Variants in CNGB3 observed in about 807,000 individuals in gnomAD.
CNGB3 encodes the protein cyclic nucleotide-gated channel beta-3.
Under a neutral mutation model 92.8 loss-of-function variants are expected in CNGB3, and 86 were observed. The ratio of observed to expected loss-of-function variants is 0.93; its 90% CI spans 0.78 to 1.11. The LOEUF is 1.11. Among genes scored for constraint, CNGB3 ranks in the 50% least tolerant of loss-of-function variants. The pLI, the probability that CNGB3 is intolerant of heterozygous loss-of-function variation, is 0.00. For missense variants in CNGB3, 1,026 were observed against 956.8 expected, an observed-to-expected ratio of 1.07 and a Z score of -0.95; for synonymous variants, 333 against 332.7, an observed-to-expected ratio of 1.00 and a Z score of -0.01.
chr8:86,732,165 C>T (rs1182471691), intron 2 of CNGB3, among the ~76,000 whole-genome samples: 1 of 152,180 alleles, frequency 6.6e-6, no homozygotes, highest in Non-Finnish European at 1.5e-5. Flanking sequence ...TTTTATCGGT[C>T]AGAATCTGTT....
In CNGB3 at chr8:86,668,175, A is replaced by T; in HGVS notation, c.494-7T>A. 1 of 1,602,124 alleles carries T rather than the reference A, an allele frequency of 6.2e-7. No individual in the cohort carries two copies. Among genetic ancestry groups the T allele is most frequent in the Non-Finnish European group, 8.5e-7 (1 of 1,174,336 alleles). On this transcript the variant is annotated splice_polypyrimidine_tract_variant and splice_region_variant and intron_variant, in intron 4 of 17. Transcript: ENST00000320005. ...GGTACAGCCGTGGGCTTTGCTTCATAGGGAAAAAAAAAAAGATGAAACATT... is the reference window on the plus strand; with the variant it reads ...GGTACAGCCGTGGGCTTTGCTTCATTGGGAAAAAAAAAAAGATGAAACATT...
chr8:86,608,087 C>G (rs947943626), intron 14 of CNGB3, among the ~76,000 whole-genome samples: 2 of 152,068 alleles, frequency 1.3e-5, no homozygotes, highest in Non-Finnish European at 2.9e-5. Flanking sequence ...CAAGCTGTTC[C>G]AGTATAATAA....
chr8:86,590,349 A>C (rs1455601787), intron 15 of CNGB3, among the ~76,000 whole-genome samples: 1 of 151,976 alleles, frequency 6.6e-6, no homozygotes, highest in Non-Finnish European at 1.5e-5. Context: ...ATTTAAAGTT[A>C]ATAGTGTTAT....
intron 14 of CNGB3, among the ~76,000 whole-genome samples, chr8:86,611,094 A>T (rs566907817): frequency 3.9e-5 from 6 of 152,278 alleles, no homozygotes; most frequent in Non-Finnish European, 7.4e-5. Flanking sequence ...GGTGGTATTT[A>T]TGTCCTTATG....
In CNGB3 at chr8:86,666,430, T is replaced by C. The variant is rs564239177; in HGVS notation, c.852+495A>G. On this transcript the variant is annotated intron_variant, in intron 6 of 17. Coordinates refer to ENST00000320005, the MANE Select transcript of CNGB3 (RefSeq NM_019098.5). ...GCAAGGCCTGGGTTAGGATCCTGGC[T>C]CAGCTACTATCCAGCTTTGGGCTTT... 7.9e-5 allele frequency among the ~76,000 whole-genome samples: 12 copies of C among 152,350 alleles called. No individual in the cohort carries two copies. In the East Asian group the frequency reaches 2.3e-3, roughly 29 times the overall value.
intron 15 of CNGB3, among the ~76,000 whole-genome samples, chr8:86,581,602 C>T (rs928022650): frequency 6.6e-6 from 1 of 152,098 alleles, no homozygotes; most frequent in Non-Finnish European, 1.5e-5. Flanking sequence ...CAATGCAGCC[C>T]CTTTAAGACT....
intron 7 of CNGB3, among the ~76,000 whole-genome samples, chr8:86,649,289 C>A (rs1174988942): frequency 6.6e-6 from 1 of 151,312 alleles, no homozygotes; most frequent in Non-Finnish European, 1.5e-5. Flanking sequence ...AAAATACCAA[C>A]TTTTTTTTCA....
At chr8:86,708,233 C>T (rs190055631) in intron 3 of CNGB3, among the ~76,000 whole-genome samples, 1 of 152,162 alleles carries the variant, frequency 6.6e-6, no homozygotes, top group Non-Finnish European at 1.5e-5. Context: ...GTGCTTGTGC[C>T]CTTTCAAGTT....
chr8:86,731,090 A>G (rs1458134), intron 2 of CNGB3, among the ~76,000 whole-genome samples: 98,277 of 152,098 alleles, frequency 0.65, 33,034 homozygotes, highest in African/African-American at 0.83. Context: ...TAGAAATGCT[A>G]TTACATAGAA....
intron 15 of CNGB3, among the ~76,000 whole-genome samples, chr8:86,599,730 G>A (rs906741327): frequency 1.3e-5 from 2 of 152,096 alleles, no homozygotes; most frequent in African/African-American, 4.8e-5. Flanking sequence ...ATAAATTTTG[G>A]TCAGACCGGT....
At chr8:86,713,246 G>T (rs1475380738) in intron 3 of CNGB3, among the ~76,000 whole-genome samples, 1 of 152,122 alleles carries the variant, frequency 6.6e-6, no homozygotes, top group East Asian at 1.9e-4. Context: ...TTTAAAATTT[G>T]CTGAGACCTA....
At chr8:86,596,215 C>T (rs963551568) in intron 15 of CNGB3, among the ~76,000 whole-genome samples, 2 of 152,070 alleles carry the variant, frequency 1.3e-5, no homozygotes, top group African/African-American at 4.8e-5. Flanking sequence ...TATTAAAATG[C>T]AATGGCAATG....
At chr8:86,637,931 G>A (rs950540065) in intron 10 of CNGB3, among the ~76,000 whole-genome samples, 8 of 152,018 alleles carry the variant, frequency 5.3e-5, no homozygotes, top group Admixed American at 6.5e-5. Context: ...TTTTTCTACC[G>A]TGGATAAGTT....
intron 7 of CNGB3, 78 bp downstream of exon 7, chr8:86,653,934 A>G (rs1414839438): frequency 1.0e-6 from 1 of 989,834 alleles, no homozygotes; most frequent in Non-Finnish European, 1.6e-6. Context: ...AACTTTGTTT[A>G]TAGAAATCTA....
chr8:86,721,223 C>T (rs1824966882), intron 3 of CNGB3, among the ~76,000 whole-genome samples: 1 of 152,132 alleles, frequency 6.6e-6, no homozygotes, highest in Admixed American at 6.6e-5. Flanking sequence ...ACCTTGGCCT[C>T]CCAAAGGTCA....
chr8:86,660,188 C>G (rs1349597819), intron 6 of CNGB3: 5 of 290,104 alleles, frequency 1.7e-5, no homozygotes, highest in African/African-American at 9.0e-5. Context: ...TCATTTTCTC[C>G]TTTTTTGCTC....
At chr8:86,612,778 T>C (rs1219242835) in intron 13 of CNGB3, among the ~76,000 whole-genome samples, 1 of 152,236 alleles carries the variant, frequency 6.6e-6, no homozygotes, top group Non-Finnish European at 1.5e-5. Flanking sequence ...AGTATAGCTT[T>C]TGCTTCTCTA....
intron 12 of CNGB3, among the ~76,000 whole-genome samples, chr8:86,626,541 T>C (rs1822851606): frequency 6.6e-6 from 1 of 152,146 alleles, no homozygotes; most frequent in African/African-American, 2.4e-5. Context: ...ATTTGACCCT[T>C]GTGACAACCC....
chr8:86,728,343 G>T (rs571206134), intron 2 of CNGB3, among the ~76,000 whole-genome samples: 4 of 152,064 alleles, frequency 2.6e-5, no homozygotes, highest in African/African-American at 9.7e-5. Context: ...GTATCCAACA[G>T]ATTTCAGAGT....
Sources: allele counts gnomAD v4.1 joint callset (sites outside exome capture counted in the v4.1 genomes callset), GRCh38; gene constraint gnomAD v4.1.1; transcripts MANE v1.5; gene names NCBI Gene and HGNC (gene_info 2026-07-23, HGNC 2026-07-21).